The following GPBP1L1 variants were observed in gnomAD, a reference collection of about 807,000 sequenced individuals.
GPBP1L1 encodes the protein GC-rich promoter binding protein 1 like 1.
Under a neutral mutation model 52.5 loss-of-function variants are expected in GPBP1L1, and 23 were observed. The ratio of observed to expected loss-of-function variants is 0.44; its 90% CI spans 0.32 to 0.62. GPBP1L1 has a LOEUF of 0.62. Ranked by LOEUF, GPBP1L1 falls within the 20% of genes least tolerant of loss-of-function variation. GPBP1L1 has a pLI of 0.06. For missense variants in GPBP1L1, 596 were observed against 579.3 expected (o/e 1.03, Z -0.30); for synonymous variants, 243 against 203.1 (o/e 1.20, Z -1.67).
intron 2 of GPBP1L1, among the ~76,000 whole-genome samples, chr1:45,671,597 T>C (rs373791993): frequency 6.6e-5 from 10 of 152,170 alleles, no homozygotes; most frequent in South Asian, 2.1e-4. Context: ...GGTGGGAGAA[T>C]TGCTTGAGCT....
intron 4 of GPBP1L1, chr1:45,656,240 AC>A (rs1644883094): frequency 1.3e-5 from 2 of 152,248 alleles, no homozygotes; most frequent in South Asian, 4.1e-4. Context: ...AGTTTGAGAA[AC>A]ATTATTATAG....
At chr1:45,676,125 TAACAG>T (rs1157111050) in intron 2 of GPBP1L1, among the ~76,000 whole-genome samples, 1 of 152,186 alleles carries the variant, frequency 6.6e-6, no homozygotes, top group Non-Finnish European at 1.5e-5. Context: ...TTCTAATTCT[TAACAG>T]AAAAGAGCCC....
intron 2 of GPBP1L1, among the ~76,000 whole-genome samples, chr1:45,675,419 G>C (rs1021109027): frequency 2.6e-5 from 4 of 152,184 alleles, no homozygotes; most frequent in African/African-American, 9.7e-5. Flanking sequence ...GACACACTTG[G>C]TAGGGATTAA....
chr1:45,655,109 G>T, intron 5 of GPBP1L1, 81 bp downstream of exon 5: 1 of 1,527,482 alleles, frequency 6.5e-7, no homozygotes, highest in Non-Finnish European at 9.0e-7. Context: ...CCTATTTCAA[G>T]ATTACAGACA....
intron 2 of GPBP1L1, among the ~76,000 whole-genome samples, chr1:45,675,252 G>T (rs1044269227): frequency 2.6e-5 from 4 of 151,772 alleles, no homozygotes; most frequent in African/African-American, 9.7e-5. Flanking sequence ...AGCCGAGATC[G>T]AGCCACTGCA....
At chr1:45,629,914 C>G (rs1057046459) in intron 11 of GPBP1L1, among the ~76,000 whole-genome samples, 2 of 150,818 alleles carry the variant, frequency 1.3e-5, no homozygotes, top group African/African-American at 2.4e-5. Flanking sequence ...GAAGCAAAAC[C>G]AAGACAGTGT....
At chr1:45,646,498 C>G (rs561100273) in intron 6 of GPBP1L1, among the ~76,000 whole-genome samples, 18 of 151,826 alleles carry the variant, frequency 1.2e-4, no homozygotes, top group Non-Finnish European at 2.2e-4. Flanking sequence ...GCTATCCTTT[C>G]AATTTGTAGA....
Position 45,630,606 on chromosome 1 carries a change from A to G in GPBP1L1, c.1045T>C (p.Leu349=). Residue 349 remains leucine, a splice_region_variant and synonymous_variant, in exon 11 of 13, where the codon TTG becomes CTG. Coordinates refer to ENST00000355105, the MANE Select transcript of GPBP1L1 (RefSeq NM_021639.5). ...ENRDCDKLED[L]EDNSTPEPKE... is the part of the protein sequence containing the mutation. ...GGTTCAGGTGTGCTGTTGTCCTCCA[A>G]CTGCAATAAGGAAAAGGAAGGACAC... is the stretch of plus-strand genomic sequence containing the variant. The G allele has an allele frequency of 6.2e-7, 1 of 1,613,916 alleles. No homozygotes were observed. The highest frequency in any genetic ancestry group is 8.5e-7 in the Non-Finnish European group (1 of 1,179,908).
At chr1:45,683,957 T>C (rs924403632) in intron 2 of GPBP1L1, among the ~76,000 whole-genome samples, 9 of 148,770 alleles carry the variant, frequency 6.0e-5, no homozygotes. Context: ...AGTATACTTA[T>C]AAAAGTAAAC....
In GPBP1L1 at chr1:45,661,107, T is replaced by C. The variant is rs1644942282; in HGVS notation, c.-979A>G. On this transcript the variant is annotated 5_prime_UTR_variant, in exon 3 of 13. Transcript: ENST00000355105. ...GTTCTGCTCCTTCCCAAAATCTAAA[T>C]TGAGCCACTGGAAGGAGATATGAAG... 1 of 152,198 alleles carries C rather than the reference T, an allele frequency of 6.6e-6. No individual in the cohort carries two copies. The highest frequency in any genetic ancestry group is 1.5e-5 in the Non-Finnish European group (1 of 68,030). 9.4% of individuals were successfully genotyped at this position (152,198 alleles called of 1,614,324 possible).
At position 45,651,658 on chromosome 1, in the gene GPBP1L1, C is replaced by A. The variant is rs544992029; in HGVS notation, c.477+2885G>T. On this transcript the variant is annotated intron_variant, in intron 6 of 12. Transcript: ENST00000355105. ...GCTGCTGCAACCTGATATAGCAGGG[C>A]CATTTCACAAAGCAGGTGAGGTCTC... is the stretch of plus-strand genomic sequence containing the variant. The A allele has an allele frequency of 6.8e-5, 46 of 675,212 alleles. No homozygotes were observed. In the Middle Eastern group the frequency reaches 1.3e-3, roughly 18 times the overall value. The allele number at this position is 675,212 out of a possible 1,614,324, so 41.8% of individuals were successfully genotyped here.
At chr1:45,686,847 CTAGTT>C (rs1371103187), upstream of GPBP1L1, 1 of 152,720 alleles carries the variant, frequency 6.5e-6, no homozygotes, top group African/African-American at 2.4e-5. Context: ...ACGGACAAGC[CTAGTT>C]TAGTACGCCC....
Position 45,654,788 on chromosome 1 carries a change from C to T in GPBP1L1, c.232G>A (p.Asp78Asn). The change falls in exon 6 of 13, where the codon GAC becomes AAC. Residue 78 changes from aspartate (D) to asparagine (N), a missense_variant. Asp to Asn is a conservative substitution (Grantham distance 23). Transcript: ENST00000355105. ...TATGCTCCCTTAGAGACACCAGAGT[C>T]CACAGAATCATGGCGGAACAGGGAG... ...QPSLFRHDSVDSGVSKGAYAG... is the reference protein window; with the variant it reads ...QPSLFRHDSVNSGVSKGAYAG... 1 of 1,614,110 alleles carries T rather than the reference C, an allele frequency of 6.2e-7. No individual in the cohort carries two copies. The highest frequency in any genetic ancestry group is 8.5e-7 in the Non-Finnish European group (1 of 1,180,014).
rs1261063064 is a variant in GPBP1L1 at position 45,628,255 on chromosome 1, C to T, written c.*1G>A. 1.2e-6 allele frequency: 2 copies of T among 1,613,656 alleles called. No homozygotes were observed. The highest frequency in any genetic ancestry group is 4.5e-5 in the East Asian group (2 of 44,876). ...AGATTTAACTGTGAGCATTTATATGCCTACTTCCAGGCATCGTCATCTGAT... is the reference window on the plus strand; with the variant it reads ...AGATTTAACTGTGAGCATTTATATGTCTACTTCCAGGCATCGTCATCTGAT... On this transcript the variant is annotated 3_prime_UTR_variant, in exon 13 of 13. Transcript: ENST00000355105.
intron 12 of GPBP1L1, 31 bp downstream of exon 12, chr1:45,629,545 C>G (rs1644503072): frequency 8.4e-7 from 1 of 1,183,652 alleles, no homozygotes; most frequent in South Asian, 1.2e-5. Flanking sequence ...TGGTTACTAA[C>G]TGGTCTCTAG....
At chr1:45,676,474 C>T (rs1275223969) in intron 2 of GPBP1L1, among the ~76,000 whole-genome samples, 1 of 151,820 alleles carries the variant, frequency 6.6e-6, no homozygotes, top group Non-Finnish European at 1.5e-5. Flanking sequence ...TTTGGGAGGC[C>T]GAGGTGGGAG....
At chr1:45,642,633 CTG>C (rs1438213854) in intron 6 of GPBP1L1, 134 bp from the exon 7 acceptor site, 1 of 668,756 alleles carries the variant, frequency 1.5e-6, no homozygotes, top group Non-Finnish European at 2.7e-6. Context: ...TAATTTGACA[CTG>C]TATTCAGAAA....
At chr1:45,676,456 T>C (rs548141861) in intron 2 of GPBP1L1, among the ~76,000 whole-genome samples, 6 of 151,760 alleles carry the variant, frequency 4.0e-5, no homozygotes, top group African/African-American at 1.4e-4. Context: ...ACAAAAAAAT[T>C]AGCCAGCTTT....
chr1:45,642,261 C>T (rs1353464551), intron 7 of GPBP1L1, among the ~76,000 whole-genome samples, 166 bp downstream of exon 7: 1 of 151,908 alleles, frequency 6.6e-6, no homozygotes, highest in East Asian at 1.9e-4. Context: ...GGGGGTTGGG[C>T]GGTGGGGTAG....
Sources: allele counts gnomAD v4.1 joint callset (sites outside exome capture counted in the v4.1 genomes callset), GRCh38; gene constraint gnomAD v4.1.1; transcripts MANE v1.5; gene names NCBI Gene and HGNC (gene_info 2026-07-23, HGNC 2026-07-21).